Variants in ADGRB3 observed in about 807,000 individuals in gnomAD.
ADGRB3 encodes the protein adhesion G protein-coupled receptor B3, also known as brain-specific angiogenesis inhibitor 3.
ADGRB3 carries 37 observed loss-of-function variants against 193.4 expected under a neutral mutation model. The observed-to-expected ratio is 0.19, with a 90% CI of 0.15 to 0.25. The LOEUF (loss-of-function observed/expected upper bound fraction) is 0.25. Ranked by LOEUF, ADGRB3 falls within the 10% of genes least tolerant of loss-of-function variation. The pLI, the probability that ADGRB3 is intolerant of heterozygous loss-of-function variation, is 1.00. For synonymous variants in ADGRB3, 690 were observed against 644.2 expected, an observed-to-expected ratio of 1.07 and a Z score of -1.08; for missense variants, 1,637 against 1,852.9, an observed-to-expected ratio of 0.88 and a Z score of 2.14.
At chr6:68,708,478 T>C (rs1424019702) in intron 3 of ADGRB3, among the ~76,000 whole-genome samples, 3 of 152,112 alleles carry the variant, frequency 2.0e-5, no homozygotes, top group Non-Finnish European at 2.9e-5. Context: ...GAGTAATCCT[T>C]ACCTAAGAAA....
intron 20 of ADGRB3, among the ~76,000 whole-genome samples, chr6:69,281,683 A>C (rs2127286257): frequency 6.6e-6 from 1 of 152,276 alleles, no homozygotes; most frequent in Middle Eastern, 3.4e-3. Context: ...CCATCCTGCC[A>C]AGATTCTGGA....
intron 3 of ADGRB3, among the ~76,000 whole-genome samples, chr6:68,671,787 G>C (rs1768967702): frequency 4.6e-5 from 7 of 152,016 alleles, no homozygotes. Flanking sequence ...CATAGAATAA[G>C]TTTGAAAGTA....
chr6:69,269,388 AT>A (rs1767123331), intron 20 of ADGRB3, among the ~76,000 whole-genome samples: 1 of 152,192 alleles, frequency 6.6e-6, no homozygotes, highest in Non-Finnish European at 1.5e-5. Flanking sequence ...GTAAAAAAAA[AT>A]TATCTTAAAA....
chr6:68,741,951 G>C (rs1436358408), intron 3 of ADGRB3, among the ~76,000 whole-genome samples: 2 of 152,056 alleles, frequency 1.3e-5, no homozygotes, highest in Non-Finnish European at 2.9e-5. Flanking sequence ...AGGACCACAT[G>C]GGAAAATTCA....
At chr6:69,136,974 T>A (rs899951734) in intron 17 of ADGRB3, among the ~76,000 whole-genome samples, 1 of 152,008 alleles carries the variant, frequency 6.6e-6, no homozygotes, top group Non-Finnish European at 1.5e-5. Flanking sequence ...TCCTCCTTTT[T>A]AAAAATCGTA....
At chr6:69,188,772 T>C (rs1049842202) in intron 17 of ADGRB3, among the ~76,000 whole-genome samples, 7 of 152,182 alleles carry the variant, frequency 4.6e-5, no homozygotes, top group Admixed American at 6.6e-5. Flanking sequence ...ATTCGTTAAA[T>C]TATAACAGAC....
intron 3 of ADGRB3, among the ~76,000 whole-genome samples, chr6:68,735,619 G>A (rs2127336068): frequency 6.6e-6 from 1 of 152,148 alleles, no homozygotes; most frequent in African/African-American, 2.4e-5. Context: ...AGCATTCTAA[G>A]TTTTGAGGTT....
intron 6 of ADGRB3, among the ~76,000 whole-genome samples, chr6:68,951,451 G>A (rs974907034): frequency 7.9e-5 from 12 of 152,002 alleles, no homozygotes; most frequent in Admixed American, 2.6e-4. Context: ...TCATTTACTC[G>A]TTTATCATCT....
At chr6:68,774,435 A>G (rs1444899479) in intron 3 of ADGRB3, among the ~76,000 whole-genome samples, 2 of 148,124 alleles carry the variant, frequency 1.4e-5, no homozygotes, top group African/African-American at 5.0e-5. Context: ...ATTTTCTAAT[A>G]ATGGTCTTCT....
chr6:68,895,939 G>T (rs1434305909), intron 3 of ADGRB3, among the ~76,000 whole-genome samples: 1 of 152,026 alleles, frequency 6.6e-6, no homozygotes, highest in Non-Finnish European at 1.5e-5. Flanking sequence ...AAAATATGGA[G>T]TAGAGAGTGA....
At chr6:68,971,808 G>T (rs1386319874) in intron 8 of ADGRB3, among the ~76,000 whole-genome samples, 1 of 152,154 alleles carries the variant, frequency 6.6e-6, no homozygotes, top group Non-Finnish European at 1.5e-5. Flanking sequence ...CTTTTCCACC[G>T]CTTCCCCTTC....
chr6:69,159,003 C>T (rs1004727355), intron 17 of ADGRB3, among the ~76,000 whole-genome samples: 3 of 152,026 alleles, frequency 2.0e-5, no homozygotes, highest in Admixed American at 2.0e-4. Context: ...CACCTCTATA[C>T]CATGCCTCAT....
intron 10 of ADGRB3, among the ~76,000 whole-genome samples, chr6:68,987,486 T>G (rs1253628906): frequency 1.3e-5 from 2 of 152,162 alleles, no homozygotes; most frequent in Non-Finnish European, 2.9e-5. Flanking sequence ...AACGCAAACA[T>G]GGTTGATAAT....
chr6:69,100,882 GAGGGA>G (rs1562159466), intron 17 of ADGRB3, among the ~76,000 whole-genome samples: 1 of 14,596 alleles, frequency 6.9e-5, no homozygotes, highest in Admixed American at 1.0e-3. Flanking sequence ...AGAAGGAAGG[GAGGGA>G]AGGAAGGAAG....
chr6:69,355,154 G>A (rs890168225), intron 27 of ADGRB3, among the ~76,000 whole-genome samples: 4 of 152,132 alleles, frequency 2.6e-5, no homozygotes, highest in African/African-American at 9.7e-5. Context: ...TTGATTGGAA[G>A]ACCCTGATCA....
At chr6:69,315,316 C>T (rs1159034206) in intron 20 of ADGRB3, among the ~76,000 whole-genome samples, 1 of 151,480 alleles carries the variant, frequency 6.6e-6, no homozygotes, top group African/African-American at 2.4e-5. Flanking sequence ...AATATTTCCT[C>T]TACAGCATTG....
At chr6:68,803,054 A>G (rs1022334714) in intron 3 of ADGRB3, among the ~76,000 whole-genome samples, 2 of 152,040 alleles carry the variant, frequency 1.3e-5, no homozygotes, top group African/African-American at 4.8e-5. Flanking sequence ...ACTATATACC[A>G]TATATTGAAT....
At chr6:68,794,398 A>T (rs936922916) in intron 3 of ADGRB3, among the ~76,000 whole-genome samples, 9 of 152,116 alleles carry the variant, frequency 5.9e-5, no homozygotes, top group African/African-American at 2.2e-4. Context: ...TATAAGAATT[A>T]TTAAAGCTAT....
chr6:69,060,222 C>CTCTCTCTT lies in ADGRB3; in HGVS notation c.2334-2705_2334-2704insTTCTCTCT, dbSNP rs1554255605. Among the ~76,000 whole-genome samples, 65 of 144,438 alleles carry CTCTCTCTT rather than the reference C, an allele frequency of 4.5e-4. 1 individual carries two copies. Among genetic ancestry groups the CTCTCTCTT allele is most frequent in the African/African-American group, 1.6e-3 (61 of 38,930 alleles). 94.8% of individuals were successfully genotyped at this position (144,438 alleles called of 152,430 possible). A position where few individuals can be genotyped will look rare whatever the true frequency, so the allele number is the denominator to read the frequency against. On this transcript the variant is annotated intron_variant, in intron 15 of 31. Coordinates refer to ENST00000370598, the MANE Select transcript of ADGRB3 (RefSeq NM_001704.3). ...TCTTTCTCTGTCTCTCTCTCTCTTT[C>CTCTCTCTT]TCTCTCTCTCTCTCTCTCTCTCTCT...
Sources: gnomAD v4.1 joint callset for allele counts (sites outside exome capture counted in the v4.1 genomes callset) on GRCh38, gnomAD v4.1.1 for gene constraint, MANE v1.5 for transcripts, NCBI Gene and HGNC (gene_info 2026-07-23, HGNC 2026-07-21) for gene names.